CLNK: variants seen among roughly 807,000 people sequenced by gnomAD.
CLNK encodes the protein cytokine-dependent hematopoietic cell linker.
In CLNK, 74 loss-of-function variants were observed where a neutral mutation model predicts 68.6. That is an observed-to-expected ratio of 1.08 (90% CI 0.89 to 1.31). CLNK has a LOEUF of 1.31. Among genes scored for constraint, CLNK ranks in the 50% most tolerant of loss-of-function variants. CLNK has a pLI of 0.00. For missense variants in CLNK, 553 were observed against 515.3 expected (o/e 1.07, Z -0.71); for synonymous variants, 198 against 172.2 (o/e 1.15, Z -1.17).
intron 7 of CLNK, among the ~76,000 whole-genome samples, chr4:10,561,633 T>A (rs1719891187): frequency 6.6e-6 from 1 of 152,182 alleles, no homozygotes; most frequent in African/African-American, 2.4e-5. Context: ...ACTGGTCCAA[T>A]CTCTCTGGAA....
intron 2 of CLNK, among the ~76,000 whole-genome samples, chr4:10,659,232 T>A (rs1013280882): frequency 6.6e-6 from 1 of 152,158 alleles, no homozygotes; most frequent in South Asian, 2.1e-4. Flanking sequence ...CACAAAAAAA[T>A]GGTAATTGCT....
chr4:10,706,842 C>T, the CLNK span, among the ~76,000 whole-genome samples: 4 of 152,082 alleles, frequency 2.6e-5, no homozygotes, highest in African/African-American at 9.7e-5. Flanking sequence ...AAAGGACCAC[C>T]CTCTTGGCCA....
chr4:10,648,962 T>C (rs1328289343), intron 2 of CLNK, among the ~76,000 whole-genome samples: 1 of 152,164 alleles, frequency 6.6e-6, no homozygotes, highest in Non-Finnish European at 1.5e-5. Flanking sequence ...GAATCCTTTA[T>C]CTCTGAAGAT....
intron 15 of CLNK, 104 bp from the exon 16 acceptor site, chr4:10,513,701 G>GTTGACCAAGAAGGTCCTCAC: frequency 8.6e-7 from 1 of 1,156,080 alleles, no homozygotes; most frequent in Non-Finnish European, 1.2e-6. Context: ...CTATATCTGT[G>GTTGACCAAGAAGGTCCTCAC]AGGACCTTCT....
chr4:10,625,609 GA>G (rs571007695), intron 2 of CLNK, among the ~76,000 whole-genome samples: 61 of 152,294 alleles, frequency 4.0e-4, no homozygotes, highest in Non-Finnish European at 8.1e-4. Context: ...AAGATAAAGA[GA>G]CACAGAGGTA....
intron 2 of CLNK, among the ~76,000 whole-genome samples, chr4:10,665,498 T>C (rs1408980629): frequency 1.3e-5 from 2 of 151,960 alleles, no homozygotes; most frequent in Non-Finnish European, 2.9e-5. Flanking sequence ...ACCCTGTCTC[T>C]ACTAAAAATA....
chr4:10,550,036 T>C (rs1270563987), intron 8 of CLNK, among the ~76,000 whole-genome samples: 1 of 152,212 alleles, frequency 6.6e-6, no homozygotes, highest in Non-Finnish European at 1.5e-5. Context: ...CATGAAGACA[T>C]TGTCAATATC....
intron 5 of CLNK, among the ~76,000 whole-genome samples, chr4:10,567,684 G>A (rs543476384): frequency 6.6e-6 from 1 of 152,308 alleles, no homozygotes; most frequent in South Asian, 2.1e-4. Context: ...CTGATAAGGA[G>A]CTTAAATCCA....
chr4:10,500,369 A>T (rs1716988168), intron 18 of CLNK, among the ~76,000 whole-genome samples: 2 of 152,198 alleles, frequency 1.3e-5, no homozygotes, highest in Non-Finnish European at 2.9e-5. Flanking sequence ...GACACCAAAG[A>T]GTTGTTGAGG....
chr4:10,618,964 A>G (rs976999278), intron 2 of CLNK, among the ~76,000 whole-genome samples: 3 of 152,230 alleles, frequency 2.0e-5, no homozygotes, highest in African/African-American at 7.2e-5. Context: ...ACCATATTGT[A>G]TGCCTAAATA....
chr4:10,496,850 AC>A (rs1467340108), intron 18 of CLNK, among the ~76,000 whole-genome samples: 3 of 152,186 alleles, frequency 2.0e-5, no homozygotes, highest in Admixed American at 6.5e-5. Flanking sequence ...ACCAATGGAA[AC>A]CTCTAGCAGA....
At chr4:10,727,338 G>T in the CLNK span, among the ~76,000 whole-genome samples, 4 of 152,180 alleles carry the variant, frequency 2.6e-5, no homozygotes, top group Admixed American at 6.5e-5. Flanking sequence ...GGAAAATTCC[G>T]TGGTGGAACA....
chr4:10,708,020 C>T, the CLNK span, among the ~76,000 whole-genome samples: 2 of 152,150 alleles, frequency 1.3e-5, no homozygotes, highest in African/African-American at 4.8e-5. Context: ...AGTAGACCTT[C>T]ACTGGACTAA....
chr4:10,508,467 A>G (rs1717409803), intron 16 of CLNK, among the ~76,000 whole-genome samples: 2 of 152,232 alleles, frequency 1.3e-5, no homozygotes, highest in Non-Finnish European at 2.9e-5. Flanking sequence ...CCACTTCCCC[A>G]GAGGCACAGA....
At chr4:10,689,056 T>C (rs1725366939), upstream of CLNK, among the ~76,000 whole-genome samples, 1 of 152,050 alleles carries the variant, frequency 6.6e-6, no homozygotes, top group Admixed American at 6.6e-5. Flanking sequence ...GGGGGAAAAA[T>C]AAAAGATGGC....
intron 11 of CLNK, among the ~76,000 whole-genome samples, chr4:10,535,049 G>C (rs1718689321): frequency 6.6e-6 from 1 of 152,192 alleles, no homozygotes; most frequent in Admixed American, 6.5e-5. Flanking sequence ...CAGCATTGCT[G>C]GTTGTAAAGA....
At chr4:10,521,279 A>C (rs1226218379) in intron 14 of CLNK, among the ~76,000 whole-genome samples, 1 of 152,244 alleles carries the variant, frequency 6.6e-6, no homozygotes, top group Non-Finnish European at 1.5e-5. Flanking sequence ...GCTGAGTAAG[A>C]AAACTTAGTG....
At chr4:10,593,586 G>A (rs534250141) in intron 3 of CLNK, among the ~76,000 whole-genome samples, 89 of 152,240 alleles carry the variant, frequency 5.8e-4, no homozygotes, top group African/African-American at 2.1e-3. Context: ...CCTGAGAGGC[G>A]GAGGTTGCAG....
the CLNK span, among the ~76,000 whole-genome samples, chr4:10,693,367 G>T: frequency 0.28 from 41,918 of 151,966 alleles, 6,181 homozygotes; most frequent in Non-Finnish European, 0.33. Context: ...AAGATAACTC[G>T]CACCCTTAAA....
Sources: gnomAD v4.1 joint callset for allele counts (sites outside exome capture counted in the v4.1 genomes callset) on GRCh38, gnomAD v4.1.1 for gene constraint, MANE v1.5 for transcripts, NCBI Gene and HGNC (gene_info 2026-07-23, HGNC 2026-07-21) for gene names.